The following KCNQ3 variants were observed in gnomAD, a reference collection of about 807,000 sequenced individuals.
KCNQ3 encodes the protein potassium voltage-gated channel subfamily Q member 3, also known as potassium voltage-gated channel subfamily KQT member 3.
In KCNQ3, 30 loss-of-function variants were observed where a neutral mutation model predicts 92.5. The observed-to-expected ratio is 0.32, with a 90% CI of 0.24 to 0.44. KCNQ3 has a LOEUF of 0.44. Ranked by LOEUF, KCNQ3 falls within the 20% of genes least tolerant of loss-of-function variation. The pLI, the probability that KCNQ3 is intolerant of heterozygous loss-of-function variation, is 1.00. For missense variants in KCNQ3, 913 were observed against 1,140.3 expected, an observed-to-expected ratio of 0.80 and a Z score of 2.87; for synonymous variants, 450 against 468.8, an observed-to-expected ratio of 0.96 and a Z score of 0.52.
At chr8:132,158,830 A>C (rs1006790577) in intron 9 of KCNQ3, among the ~76,000 whole-genome samples, 4 of 152,218 alleles carry the variant, frequency 2.6e-5, no homozygotes, top group African/African-American at 9.6e-5. Flanking sequence ...TCTTTGATCC[A>C]AAGAATGATT....
At chr8:132,429,323 C>A (rs570326237) in intron 1 of KCNQ3, among the ~76,000 whole-genome samples, 2 of 151,986 alleles carry the variant, frequency 1.3e-5, no homozygotes, top group African/African-American at 4.8e-5. Flanking sequence ...AATCTCTGGG[C>A]GAGGCAGAAC....
At chr8:132,478,352 G>C (rs1382551444) in intron 1 of KCNQ3, among the ~76,000 whole-genome samples, 3 of 152,096 alleles carry the variant, frequency 2.0e-5, no homozygotes, top group Admixed American at 2.0e-4. Context: ...GCTTCCATAG[G>C]ACCCCCAGGT....
chr8:132,140,317 G>A (rs1040780372), intron 10 of KCNQ3, 139 bp from the exon 11 acceptor site: 8 of 628,990 alleles, frequency 1.3e-5, no homozygotes, highest in South Asian at 3.8e-5. Flanking sequence ...AAGACTCCAC[G>A]GTATTCTCAA....
chr8:132,146,471 A>G (rs1274204365), intron 9 of KCNQ3, among the ~76,000 whole-genome samples: 1 of 152,254 alleles, frequency 6.6e-6, no homozygotes, highest in African/African-American at 2.4e-5. Context: ...GGTGGTTTCC[A>G]GGGCCTGGGA....
At chr8:132,466,510 G>A in intron 1 of KCNQ3, among the ~76,000 whole-genome samples, 1 of 152,158 alleles carries the variant, frequency 6.6e-6, no homozygotes, top group Non-Finnish European at 1.5e-5. Flanking sequence ...GGAGTTCAAG[G>A]ACCATTCCTG....
Position 132,322,280 on chromosome 8 carries a change from C to T in KCNQ3, c.387-136099G>A, listed in dbSNP as rs562262310. Among the ~76,000 whole-genome samples the T allele has an allele frequency of 2.6e-5, 4 of 152,250 alleles. No individual in the cohort carries two copies. The South Asian group carries it at 6.2e-4, about 24-fold the overall frequency. On this transcript the variant is annotated intron_variant, in intron 1 of 14. Coordinates refer to ENST00000388996, the MANE Select transcript of KCNQ3 (RefSeq NM_004519.4). ...TTCCCTAAACTCTCAGCAAAGGTGA[C>T]TCTATATGCAAATGCCCCAGAGAGT...
chr8:132,217,642 T>A (rs1586836745), intron 1 of KCNQ3, among the ~76,000 whole-genome samples: 1 of 132,410 alleles, frequency 7.6e-6, no homozygotes, highest in Non-Finnish European at 1.5e-5. Context: ...ACCTGGGAGG[T>A]GGAGCTTGCA....
chr8:132,191,289 G>C (rs1284708707), intron 1 of KCNQ3, among the ~76,000 whole-genome samples: 1 of 152,144 alleles, frequency 6.6e-6, no homozygotes, highest in Non-Finnish European at 1.5e-5. Flanking sequence ...CAGGTCCCAA[G>C]TAGCTGGAAC....
intron 1 of KCNQ3, among the ~76,000 whole-genome samples, chr8:132,219,721 A>G (rs2130331569): frequency 6.6e-6 from 1 of 152,314 alleles, no homozygotes; most frequent in Middle Eastern, 3.4e-3. Flanking sequence ...AAGAAAGGAC[A>G]AGCCACTAAT....
intron 9 of KCNQ3, among the ~76,000 whole-genome samples, chr8:132,157,091 T>C (rs1000350626): frequency 1.1e-4 from 16 of 152,188 alleles, no homozygotes; most frequent in Non-Finnish European, 2.1e-4. Flanking sequence ...AGAGAATAAA[T>C]TTCTGTTGTT....
At chr8:132,150,145 G>C (rs2469523) in intron 9 of KCNQ3, among the ~76,000 whole-genome samples, 69,262 of 151,602 alleles carry the variant, frequency 0.46, 15,942 homozygotes, top group African/African-American at 0.49. Context: ...ATTTTTGGTA[G>C]AGTTTTAAAT....
intron 1 of KCNQ3, among the ~76,000 whole-genome samples, chr8:132,259,422 T>C (rs906325739): frequency 1.3e-5 from 2 of 152,032 alleles, no homozygotes; most frequent in African/African-American, 2.4e-5. Context: ...TTTCAATAAA[T>C]AGAAAAAGCA....
At chr8:132,223,592 A>G (rs1292747913) in intron 1 of KCNQ3, among the ~76,000 whole-genome samples, 3 of 152,212 alleles carry the variant, frequency 2.0e-5, no homozygotes, top group Non-Finnish European at 4.4e-5. Context: ...AGCTATTACT[A>G]TTATTTAGTG....
intron 1 of KCNQ3, among the ~76,000 whole-genome samples, chr8:132,463,412 C>T (rs534894539): frequency 6.6e-6 from 1 of 152,330 alleles, no homozygotes; most frequent in Admixed American, 6.5e-5. Flanking sequence ...CTGCAGAATT[C>T]ATTTTCTACA....
At chr8:132,340,411 C>A (rs939417280) in intron 1 of KCNQ3, among the ~76,000 whole-genome samples, 1 of 152,182 alleles carries the variant, frequency 6.6e-6, no homozygotes, top group Non-Finnish European at 1.5e-5. Context: ...CACGTATACA[C>A]CATGGAATAC....
intron 9 of KCNQ3, among the ~76,000 whole-genome samples, chr8:132,152,108 A>G (rs1042842845): frequency 5.9e-5 from 9 of 152,208 alleles, no homozygotes; most frequent in African/African-American, 1.7e-4. Context: ...GACGGTTTAT[A>G]ATAAGCTACA....
intron 1 of KCNQ3, among the ~76,000 whole-genome samples, chr8:132,237,248 AATG>A (rs1177038705): frequency 1.3e-5 from 2 of 152,236 alleles, no homozygotes; most frequent in Admixed American, 6.5e-5. Flanking sequence ...GGATAAGAGT[AATG>A]ATGATGATGA....
At chr8:132,247,538 G>A (rs1421404757) in intron 1 of KCNQ3, among the ~76,000 whole-genome samples, 1 of 152,074 alleles carries the variant, frequency 6.6e-6, no homozygotes, top group African/African-American at 2.4e-5. Flanking sequence ...TGTAATCTCA[G>A]CACTTTCAGA....
At chr8:132,205,661 C>T (rs1813632013) in intron 1 of KCNQ3, among the ~76,000 whole-genome samples, 1 of 152,190 alleles carries the variant, frequency 6.6e-6, no homozygotes, top group East Asian at 1.9e-4. Context: ...GATCTTAGCC[C>T]TAGCCTCCTT....
Sources: allele counts gnomAD v4.1 joint callset (sites outside exome capture counted in the v4.1 genomes callset), GRCh38; gene constraint gnomAD v4.1.1; transcripts MANE v1.5; gene names NCBI Gene and HGNC (gene_info 2026-07-23, HGNC 2026-07-21).